The following LPIN2 variants were observed in gnomAD, a reference collection of about 807,000 sequenced individuals.
The protein encoded by LPIN2 is phosphatidate phosphatase LPIN2.
Under a neutral mutation model 111.4 loss-of-function variants are expected in LPIN2, and 55 were observed. The ratio of observed to expected loss-of-function variants is 0.49; its 90% CI spans 0.40 to 0.62. The LOEUF (loss-of-function observed/expected upper bound fraction) is 0.62. Ranked by LOEUF, LPIN2 falls within the 20% of genes least tolerant of loss-of-function variation. The pLI is 0.00. For missense variants in LPIN2, 992 were observed against 1,112.1 expected (o/e 0.89, Z 1.54); for synonymous variants, 425 against 414.0 (o/e 1.03, Z -0.32).
intron 1 of LPIN2, among the ~76,000 whole-genome samples, chr18:2,978,539 C>G: frequency 6.6e-6 from 1 of 152,140 alleles, no homozygotes; most frequent in Non-Finnish European, 1.5e-5. Context: ...TCATGAGAAG[C>G]AAAGACTAAA....
rs150486207 is a variant in LPIN2 at position 2,984,367 on chromosome 18, T to C, written c.-9-23518A>G. Among the ~76,000 whole-genome samples, 158 of 152,268 alleles carry C rather than the reference T, an allele frequency of 1.0e-3. 1 individual carries two copies. Among genetic ancestry groups the C allele is most frequent in the African/African-American group, 3.5e-3 (146 of 41,548 alleles). Reference sequence around the variant, plus strand: ...ACAAACTCCTACTTCCAGAAGAGAATTGTTTAGGTTTTTCTGGCCTAAATT... The same window carrying C: ...ACAAACTCCTACTTCCAGAAGAGAACTGTTTAGGTTTTTCTGGCCTAAATT... On this transcript the variant is annotated intron_variant, in intron 1 of 19. Transcript: ENST00000677752.
At chr18:2,986,781 G>GT (rs1293602914) in intron 1 of LPIN2, among the ~76,000 whole-genome samples, 2 of 152,208 alleles carry the variant, frequency 1.3e-5, no homozygotes, top group Non-Finnish European at 2.9e-5. Context: ...TTGCCTGGCT[G>GT]TAGCAGTCAA....
chr18:2,996,472 T>C (rs2078344975), intron 1 of LPIN2, among the ~76,000 whole-genome samples: 1 of 8,794 alleles, frequency 1.1e-4, no homozygotes, highest in African/African-American at 2.0e-4. Flanking sequence ...AATATCTTTT[T>C]TTTTTTTTTT....
At chr18:2,981,609 TGTGA>T (rs916888289) in intron 1 of LPIN2, among the ~76,000 whole-genome samples, 2 of 152,238 alleles carry the variant, frequency 1.3e-5, no homozygotes, top group Non-Finnish European at 2.9e-5. Context: ...TTACAACAAA[TGTGA>T]GTGAGCCAAT....
At position 2,925,088 on chromosome 18, in the gene LPIN2, T is replaced by C; in HGVS notation, c.1938+136A>G. 2.5e-6 allele frequency: 3 copies of C among 1,202,144 alleles called. No homozygotes were observed. Among genetic ancestry groups the C allele is most frequent in the Non-Finnish European group, 3.6e-6 (3 of 835,650 alleles). The allele number at this position is 1,202,144 out of a possible 1,614,324, so 74.5% of individuals were successfully genotyped here. A position where few individuals can be genotyped will look rare whatever the true frequency, so the allele number is the denominator to read the frequency against. On this transcript the variant is annotated intron_variant, in intron 14 of 19. Transcript: ENST00000677752. This position sits in a 1 kb window ranked among gnomAD's most constrained non-coding sequence, Gnocchi z 4.1. Reference sequence around the variant, plus strand: ...TTGGGGGCGGCGGTCGTGGTTCCACTGTGGATAGGCATTGACACGACCATG... The same window carrying C: ...TTGGGGGCGGCGGTCGTGGTTCCACCGTGGATAGGCATTGACACGACCATG...
intron 1 of LPIN2, among the ~76,000 whole-genome samples, chr18:3,007,233 G>A (rs1321742033): frequency 6.6e-6 from 1 of 152,040 alleles, no homozygotes; most frequent in Non-Finnish European, 1.5e-5. Context: ...GTGCAGTGGT[G>A]CTATCTTGGC....
intron 1 of LPIN2, among the ~76,000 whole-genome samples, chr18:2,994,668 T>A (rs937246489): frequency 6.6e-6 from 1 of 152,178 alleles, no homozygotes; most frequent in African/African-American, 2.4e-5. Context: ...ACATTTTTGG[T>A]CAGATAATTC....
At chr18:2,952,499 T>C (rs1187774669) in intron 3 of LPIN2, among the ~76,000 whole-genome samples, 4 of 152,238 alleles carry the variant, frequency 2.6e-5, no homozygotes, top group Non-Finnish European at 4.4e-5. Context: ...TGAAAATGTA[T>C]AGGTTTCTGT....
intron 1 of LPIN2, among the ~76,000 whole-genome samples, chr18:2,966,597 T>C (rs1396846762): frequency 6.6e-6 from 1 of 152,196 alleles, no homozygotes; most frequent in Non-Finnish European, 1.5e-5. Flanking sequence ...GTAAACATGA[T>C]AAAAGCCTTC....
Position 2,978,723 on chromosome 18 carries a change from A to G in LPIN2, c.-9-17874T>C, listed in dbSNP as rs139187880. On this transcript the variant is annotated intron_variant, in intron 1 of 19. Transcript: ENST00000677752. ...CCACTACTGCCTTCAATTCTGCTTC[A>G]GTCTGTCTGGGAAATCTGTATTTTC... Among the ~76,000 whole-genome samples, 28 of 152,346 alleles carry G rather than the reference A, an allele frequency of 1.8e-4. 1 individual carries two copies. In the East Asian group the frequency reaches 5.4e-3, roughly 29 times the overall value.
chr18:3,005,449 G>A (rs960469397), intron 1 of LPIN2, among the ~76,000 whole-genome samples: 7 of 152,160 alleles, frequency 4.6e-5, no homozygotes, highest in Admixed American at 2.0e-4. Context: ...AGGCTGAGGT[G>A]GGAGGATCGC....
intron 1 of LPIN2, among the ~76,000 whole-genome samples, chr18:2,986,252 T>G (rs561610525): frequency 2.0e-5 from 3 of 152,234 alleles, no homozygotes; most frequent in Non-Finnish European, 4.4e-5. Flanking sequence ...TAACTGCTCA[T>G]TGGGTAATGG....
rs1470621821 is a variant in LPIN2, at chr18:2,918,847, C to T, written c.*1446G>A. ...ACTAAAACATGTAGAGGTTCCACTACAACGGCAGGGGCATGAAGAGTTGGC... is the reference window on the plus strand; with the variant it reads ...ACTAAAACATGTAGAGGTTCCACTATAACGGCAGGGGCATGAAGAGTTGGC... On this transcript the variant is annotated 3_prime_UTR_variant, in exon 20 of 20. Transcript: ENST00000677752. The T allele has an allele frequency of 6.6e-6, 1 of 152,200 alleles. No individual in the cohort carries two copies. The highest frequency in any genetic ancestry group is 1.5e-5 in the Non-Finnish European group (1 of 68,042). 9.4% of individuals were successfully genotyped at this position (152,200 alleles called of 1,614,324 possible).
At chr18:2,990,301 A>G (rs2078246187) in intron 1 of LPIN2, among the ~76,000 whole-genome samples, 1 of 152,234 alleles carries the variant, frequency 6.6e-6, no homozygotes, top group African/African-American at 2.4e-5. Context: ...AAAACTAGAT[A>G]AATTGGATTT....
intron 1 of LPIN2, among the ~76,000 whole-genome samples, chr18:2,962,724 A>G (rs567184714): frequency 1.9e-4 from 29 of 152,336 alleles, no homozygotes; most frequent in Non-Finnish European, 3.4e-4. Flanking sequence ...CTTTTTACCT[A>G]CATGGCACAC....
At chr18:2,950,944 G>C in intron 4 of LPIN2, 111 bp downstream of exon 4, 2 of 1,162,544 alleles carry the variant, frequency 1.7e-6, no homozygotes, top group Middle Eastern at 2.8e-4. Context: ...CTGTAAAGGG[G>C]GAAAACAAGC....
intron 4 of LPIN2, chr18:2,948,149 T>C (rs2143076806): frequency 6.6e-6 from 1 of 152,362 alleles, no homozygotes; most frequent in Middle Eastern, 3.4e-3. Flanking sequence ...AGATTCTATT[T>C]TAAGGAAATT....
chr18:2,969,902 A>T (rs2077877640), intron 1 of LPIN2, among the ~76,000 whole-genome samples: 1 of 152,214 alleles, frequency 6.6e-6, no homozygotes, highest in Non-Finnish European at 1.5e-5. Flanking sequence ...TCAAGTTCAC[A>T]TCCTGTCGTA....
At chr18:2,976,448 C>T (rs1242884783) in intron 1 of LPIN2, among the ~76,000 whole-genome samples, 2 of 152,176 alleles carry the variant, frequency 1.3e-5, no homozygotes, top group Non-Finnish European at 2.9e-5. Flanking sequence ...CTTTAGAAAG[C>T]AAGCTACACG....
Sources: allele counts gnomAD v4.1 joint callset (sites outside exome capture counted in the v4.1 genomes callset), GRCh38; gene constraint gnomAD v4.1.1; non-coding constraint Gnocchi (gnomAD v3.1); transcripts MANE v1.5; gene names NCBI Gene and HGNC (gene_info 2026-07-23, HGNC 2026-07-21).